The following PTPN12 variants were observed in gnomAD, a reference collection of about 807,000 sequenced individuals.
PTPN12 encodes tyrosine-protein phosphatase non-receptor type 12.
Under a neutral mutation model 97.6 loss-of-function variants are expected in PTPN12, and 29 were observed. The observed-to-expected ratio is 0.30, with a 90% CI of 0.22 to 0.41. The LOEUF (loss-of-function observed/expected upper bound fraction) is 0.41, where lower values mean the gene tolerates loss of function less well. Ranked by LOEUF, PTPN12 falls within the 10% of genes least tolerant of loss-of-function variation. The pLI, the probability that PTPN12 is intolerant of heterozygous loss-of-function variation, is 1.00. For missense variants in PTPN12, 819 were observed against 926.0 expected, an observed-to-expected ratio of 0.88 and a Z score of 1.50; for synonymous variants, 327 against 300.4, an observed-to-expected ratio of 1.09 and a Z score of -0.91.
At chr7:77,562,935 A>G (rs1808065328) in intron 1 of PTPN12, among the ~76,000 whole-genome samples, 1 of 126,778 alleles carries the variant, frequency 7.9e-6, no homozygotes. Flanking sequence ...GAAAAAAATC[A>G]TTTGCTTATT....
intron 1 of PTPN12, among the ~76,000 whole-genome samples, chr7:77,567,896 A>G (rs1808325186): frequency 6.6e-6 from 1 of 152,244 alleles, no homozygotes; most frequent in African/African-American, 2.4e-5. Flanking sequence ...TGAGACACAG[A>G]GAGGTTAAAT....
At chr7:77,551,602 A>G (rs1249102828) in intron 1 of PTPN12, among the ~76,000 whole-genome samples, 1 of 152,198 alleles carries the variant, frequency 6.6e-6, no homozygotes, top group Non-Finnish European at 1.5e-5. Flanking sequence ...GGTTTCTTCA[A>G]CATCACGTTG....
At chr7:77,549,612 G>A (rs1807390145) in intron 1 of PTPN12, among the ~76,000 whole-genome samples, 1 of 150,242 alleles carries the variant, frequency 6.7e-6, no homozygotes, top group Non-Finnish European at 1.5e-5. Flanking sequence ...ATAGGGTCCT[G>A]CTTTGTCACA....
At chr7:77,542,921 G>A (rs1412615151) in intron 1 of PTPN12, among the ~76,000 whole-genome samples, 1 of 152,196 alleles carries the variant, frequency 6.6e-6, no homozygotes, top group Non-Finnish European at 1.5e-5. Flanking sequence ...CAGCATGGGA[G>A]TGAATGAGCT....
intron 12 of PTPN12, among the ~76,000 whole-genome samples, chr7:77,623,116 AAAT>A (rs1027482259): frequency 4.6e-5 from 7 of 152,262 alleles, no homozygotes; most frequent in Admixed American, 2.0e-4. Context: ...TGATGGATAA[AAAT>A]AAAATTGTTA....
chr7:77,639,271 A>G lies in PTPN12; in HGVS notation c.2334A>G (p.Glu778=), dbSNP rs1562770289. 6.2e-7 allele frequency: 1 copy of G among 1,612,118 alleles called. No individual in the cohort carries two copies. The highest frequency in any genetic ancestry group is 2.2e-5 in the East Asian group (1 of 44,812). ...KPKGPRDPPS[E]WT is the part of the protein sequence containing the mutation. ...AAGGACCAAGAGATCCACCTTCAGA[A>G]TGGACATGATTCAGGGAGCTAGAAG... is the stretch of plus-strand genomic sequence containing the variant. Residue 778 remains glutamate (E), a synonymous_variant, in exon 18 of 18, where the codon GAA becomes GAG. Coordinates refer to ENST00000248594, the MANE Select transcript of PTPN12 (RefSeq NM_002835.4).
intron 11 of PTPN12, among the ~76,000 whole-genome samples, chr7:77,614,323 C>G (rs1400839279): frequency 5.3e-5 from 8 of 152,108 alleles, no homozygotes; most frequent in Non-Finnish European, 1.5e-5. Flanking sequence ...TTGAATCAAT[C>G]CTTTTTTAAT....
At chr7:77,556,293 G>A (rs1340459464) in intron 1 of PTPN12, among the ~76,000 whole-genome samples, 1 of 152,044 alleles carries the variant, frequency 6.6e-6, no homozygotes, top group East Asian at 1.9e-4. Context: ...GAACTCCTGG[G>A]CTGAAGAGAC....
Position 77,608,229 on chromosome 7 carries a change from C to T in PTPN12, c.762+928C>T, listed in dbSNP as rs1487129535. On this transcript the variant is annotated intron_variant, in intron 9 of 17. Coordinates refer to ENST00000248594, the MANE Select transcript of PTPN12 (RefSeq NM_002835.4). ...TGGGATCTTGGTCAAAATACTAATC[C>T]CATAGTGCCTCTATTTCTTTATCAG... Among the ~76,000 whole-genome samples the T allele has an allele frequency of 2.6e-5, 4 of 152,090 alleles. No individual in the cohort carries two copies. The East Asian group carries it at 7.7e-4, about 29-fold the overall frequency.
At chr7:77,549,074 T>C (rs1403699367) in intron 1 of PTPN12, among the ~76,000 whole-genome samples, 1 of 152,214 alleles carries the variant, frequency 6.6e-6, no homozygotes, top group Non-Finnish European at 1.5e-5. Context: ...ATGACTAGAA[T>C]TGCTACATCT....
intron 2 of PTPN12, among the ~76,000 whole-genome samples, chr7:77,571,497 A>G (rs1787131871): frequency 6.6e-6 from 1 of 152,198 alleles, no homozygotes; most frequent in African/African-American, 2.4e-5. Context: ...AAAATAATAG[A>G]CAACTGAATA....
chr7:77,611,893 C>T (rs992688684), intron 11 of PTPN12, among the ~76,000 whole-genome samples: 1 of 152,048 alleles, frequency 6.6e-6, no homozygotes. Flanking sequence ...ACTGTATTCT[C>T]TTAGTATTCT....
chr7:77,597,950 G>A, intron 7 of PTPN12, 49 bp downstream of exon 7: 2 of 1,592,544 alleles, frequency 1.3e-6, no homozygotes, highest in East Asian at 2.3e-5. Context: ...TTTTCAGGCT[G>A]GGTGCAGTGG....
At chr7:77,614,753 C>T (rs1788694413) in intron 11 of PTPN12, among the ~76,000 whole-genome samples, 1 of 152,090 alleles carries the variant, frequency 6.6e-6, no homozygotes, top group Non-Finnish European at 1.5e-5. Flanking sequence ...GAAAAATCAT[C>T]TTAGAACTGT....
intron 5 of PTPN12, among the ~76,000 whole-genome samples, chr7:77,590,843 C>T (rs183266193): frequency 1.2e-3 from 179 of 151,876 alleles, no homozygotes; most frequent in African/African-American, 4.2e-3. Flanking sequence ...GGATTATAGG[C>T]ATGAGCCACC....
At chr7:77,561,974 T>C (rs1224181832) in intron 1 of PTPN12, among the ~76,000 whole-genome samples, 1 of 151,684 alleles carries the variant, frequency 6.6e-6, no homozygotes, top group African/African-American at 2.4e-5. Flanking sequence ...GTATTTTTAG[T>C]AGAGACGGGG....
At chr7:77,591,751 C>G (rs1787873275) in intron 5 of PTPN12, among the ~76,000 whole-genome samples, 1 of 152,198 alleles carries the variant, frequency 6.6e-6, no homozygotes, top group Non-Finnish European at 1.5e-5. Flanking sequence ...GTAGAATATT[C>G]TTTCCACTTC....
chr7:77,631,814 AGT>A (rs1307100061), intron 13 of PTPN12, among the ~76,000 whole-genome samples: 3 of 152,356 alleles, frequency 2.0e-5, no homozygotes, highest in Non-Finnish European at 4.4e-5. Context: ...AAAAATAACT[AGT>A]ATTTCCAATG....
chr7:77,580,943 GA>G (rs1336111085), intron 2 of PTPN12, among the ~76,000 whole-genome samples: 2 of 152,180 alleles, frequency 1.3e-5, no homozygotes, highest in Admixed American at 1.3e-4. Context: ...TAGTAAATCA[GA>G]GATAATGTCC....
Sources: allele counts gnomAD v4.1 joint callset (sites outside exome capture counted in the v4.1 genomes callset), GRCh38; gene constraint gnomAD v4.1.1; transcripts MANE v1.5; gene names NCBI Gene and HGNC (gene_info 2026-07-23, HGNC 2026-07-21).